PNPLA3: variants seen among roughly 807,000 people sequenced by gnomAD.
PNPLA3 encodes the protein 1-acylglycerol-3-phosphate O-acyltransferase PNPLA3.
PNPLA3 carries 42 observed loss-of-function variants against 43.1 expected under a neutral mutation model. That is an observed-to-expected ratio of 0.97 (90% confidence interval 0.76 to 1.26). The LOEUF is 1.26. PNPLA3 is among the 50% of genes most tolerant of loss of function. PNPLA3 has a pLI of 0.00. For missense variants in PNPLA3, 647 were observed against 621.4 expected, an observed-to-expected ratio of 1.04 and a Z score of -0.44; for synonymous variants, 272 against 253.6, an observed-to-expected ratio of 1.07 and a Z score of -0.69.
chr22:43,943,935 T>C (rs530987992), intron 7 of PNPLA3, among the ~76,000 whole-genome samples: 1 of 152,184 alleles, frequency 6.6e-6, no homozygotes, highest in African/African-American at 2.4e-5. Flanking sequence ...ATTACAGGCA[T>C]GTGCCACCAC....
intron 8 of PNPLA3, among the ~76,000 whole-genome samples, chr22:43,945,545 A>G (rs1178589084): frequency 1.3e-5 from 2 of 152,192 alleles, no homozygotes; most frequent in East Asian, 3.8e-4. Context: ...GCTGGGCATC[A>G]GGAGGTATGG....
intron 3 of PNPLA3, among the ~76,000 whole-genome samples, chr22:43,929,882 C>A (rs893990889): frequency 1.3e-5 from 2 of 152,144 alleles, no homozygotes; most frequent in Non-Finnish European, 2.9e-5. Flanking sequence ...CAGGCGTGAG[C>A]CATGGTGCCC....
rs745563266 is a variant in PNPLA3 at position 43,946,416 on chromosome 22, C to T, written c.*34C>T. ...AGGAGGCGAGTCTAGCAGATTCTTTCAGAGGTGCTAAAGTTTCCCATCTTT... is the reference window on the plus strand; with the variant it reads ...AGGAGGCGAGTCTAGCAGATTCTTTTAGAGGTGCTAAAGTTTCCCATCTTT... On this transcript the variant is annotated 3_prime_UTR_variant, in exon 9 of 9. Transcript: ENST00000216180. 3 of 1,588,524 alleles carry T rather than the reference C, an allele frequency of 1.9e-6. No individual in the cohort carries two copies. Among genetic ancestry groups the T allele is most frequent in the African/African-American group, 1.3e-5 (1 of 74,374 alleles).
intron 2 of PNPLA3, 71 bp downstream of exon 2, chr22:43,927,238 C>T (rs948307048): frequency 7.0e-7 from 1 of 1,423,530 alleles, no homozygotes; most frequent in Non-Finnish European, 9.8e-7. Context: ...GTGGCTCATG[C>T]CTGTCATCCC....
At chr22:43,942,454 G>T (rs746533477) in intron 7 of PNPLA3, among the ~76,000 whole-genome samples, 13 of 152,084 alleles carry the variant, frequency 8.5e-5, no homozygotes, top group Admixed American at 8.5e-4. Flanking sequence ...TCAGTATATT[G>T]GTTAGTGAGA....
chr22:43,931,025 G>A (rs2146779100), intron 3 of PNPLA3, among the ~76,000 whole-genome samples: 2 of 152,304 alleles, frequency 1.3e-5, no homozygotes, highest in South Asian at 4.1e-4. Context: ...TACTCGGGAG[G>A]CTGAGGCAGG....
chr22:43,926,163 G>T (rs1199299891), intron 1 of PNPLA3, among the ~76,000 whole-genome samples: 1 of 152,232 alleles, frequency 6.6e-6, no homozygotes, highest in Non-Finnish European at 1.5e-5. Context: ...CTTGGCAGGA[G>T]GGACAGGCAG....
At chr22:43,930,392 T>C (rs9625962) in intron 3 of PNPLA3, among the ~76,000 whole-genome samples, 28,124 of 152,164 alleles carry the variant, frequency 0.18, 3,187 homozygotes, top group East Asian at 0.39. Context: ...AGTGCCCAGC[T>C]ACTGAGTGAC....
chr22:43,946,291 C>A lies in PNPLA3; in HGVS notation c.1355C>A (p.Ser452Tyr), dbSNP rs1172185920. Reference sequence around the variant, plus strand: ...GCCACCCCGCGGTCCATCCTCAGGTCCAGCCTGAACTTCTTCTTGGGCAAT... The same window carrying A: ...GCCACCCCGCGGTCCATCCTCAGGTACAGCCTGAACTTCTTCTTGGGCAAT... ...AEATPRSILR[S>Y]SLNFFLGNKV... Residue 452 changes from serine (S) to tyrosine (Y), a missense_variant, in exon 9 of 9, where the codon TCC (serine) becomes TAC (tyrosine). Coordinates refer to ENST00000216180, the MANE Select transcript of PNPLA3 (RefSeq NM_025225.3). 6.2e-7 allele frequency: 1 copy of A among 1,614,028 alleles called. No homozygotes were observed. The highest frequency in any genetic ancestry group is 8.5e-7 in the Non-Finnish European group (1 of 1,180,046).
intron 2 of PNPLA3, among the ~76,000 whole-genome samples, chr22:43,927,501 AAAAG>A (rs935607425): frequency 2.1e-4 from 31 of 150,520 alleles, no homozygotes; most frequent in Non-Finnish European, 2.8e-4. Context: ...AAAAAAAAAA[AAAAG>A]AAAGACTGTT....
rs993971795 is a variant in PNPLA3, at chr22:43,946,333, C to G, written c.1397C>G (p.Ala466Gly). 1 of 1,614,196 alleles carries G rather than the reference C, an allele frequency of 6.2e-7. No homozygotes were observed. Among genetic ancestry groups the G allele is most frequent in the Non-Finnish European group, 8.5e-7 (1 of 1,180,040 alleles). The change falls in exon 9 of 9, where the codon GCT becomes GGT. Residue 466 changes from alanine (A) to glycine (G), a missense_variant. By Grantham distance (60) the Ala-to-Gly change is moderately conservative. Coordinates refer to ENST00000216180, the MANE Select transcript of PNPLA3 (RefSeq NM_025225.3). Reference sequence around the variant, plus strand: ...TTGGGCAATAAAGTACCTGCTGGTGCTGAGGGGCTCTCCACCTTTCCCAGT... The same window carrying G: ...TTGGGCAATAAAGTACCTGCTGGTGGTGAGGGGCTCTCCACCTTTCCCAGT... The part of the protein sequence containing the change: ...FFLGNKVPAG[A>G]EGLSTFPSFS...
intron 5 of PNPLA3, among the ~76,000 whole-genome samples, chr22:43,935,410 G>A (rs1040329803): frequency 1.3e-5 from 2 of 152,170 alleles, no homozygotes; most frequent in African/African-American, 4.8e-5. Context: ...AGATAAGTAA[G>A]CAGAAGGGTG....
rs1355297338 is a variant in PNPLA3, at chr22:43,940,020, G to GT, written c.1008dup (p.Gly337TrpfsTer13). The GT allele has an allele frequency of 5.6e-6, 9 of 1,614,056 alleles. No homozygotes were observed. The highest frequency in any genetic ancestry group is 5.9e-6 in the Non-Finnish European group (7 of 1,180,024). The stretch of plus-strand genomic sequence containing the variant: ...CTGAGTGAAGAAATGAAAGACAAAG[G>GT]TGGATACATGAGCAAGATTTGCAAC... On this transcript the variant is annotated frameshift_variant, in exon 7 of 9. Coordinates refer to ENST00000216180, the MANE Select transcript of PNPLA3 (RefSeq NM_025225.3). LOFTEE classifies it high-confidence loss of function.
At chr22:43,944,597 G>A in intron 7 of PNPLA3, 94 bp from the exon 8 acceptor site, 1 of 966,672 alleles carries the variant, frequency 1.0e-6, no homozygotes, top group Non-Finnish European at 1.7e-6. Flanking sequence ...TCAGATTGGA[G>A]GTGATGTTGG....
chr22:43,946,080 G>A, intron 8 of PNPLA3, 74 bp from the exon 9 acceptor site: 2 of 1,402,578 alleles, frequency 1.4e-6, no homozygotes, highest in South Asian at 1.2e-5. Flanking sequence ...CGGCAATGTG[G>A]GTCCACCGTA....
chr22:43,925,824 A>G (rs997514330), intron 1 of PNPLA3, among the ~76,000 whole-genome samples: 7 of 152,222 alleles, frequency 4.6e-5, no homozygotes, highest in African/African-American at 1.4e-4. Flanking sequence ...ACCCACATGG[A>G]CAAATGTTTA....
At chr22:43,924,414 T>A (rs562824660) in intron 1 of PNPLA3, 6 of 346,476 alleles carry the variant, frequency 1.7e-5, no homozygotes, top group African/African-American at 1.3e-4. Context: ...TCGGAGCGTC[T>A]CGGAGCGACG....
chr22:43,940,907 G>A (rs1417627501), intron 7 of PNPLA3, among the ~76,000 whole-genome samples: 3 of 151,896 alleles, frequency 2.0e-5, no homozygotes, highest in African/African-American at 2.4e-5. Flanking sequence ...TTGGGAGGCC[G>A]AGGTGGGTGG....
intron 5 of PNPLA3, 37 bp from the exon 6 acceptor site, chr22:43,937,014 G>A (rs770236513): frequency 4.7e-5 from 74 of 1,564,756 alleles, no homozygotes; most frequent in Non-Finnish European, 5.7e-5. Flanking sequence ...CCACTCCCAC[G>A]TTCGCCTGAT....
Sources: allele counts gnomAD v4.1 joint callset (sites outside exome capture counted in the v4.1 genomes callset), GRCh38; gene constraint gnomAD v4.1.1; transcripts MANE v1.5; gene names NCBI Gene and HGNC (gene_info 2026-07-23, HGNC 2026-07-21).